SPOCD1: variants seen among roughly 807,000 people sequenced by gnomAD.
SPOCD1 encodes SPOC domain containing 1.
A neutral mutation model predicts 92.2 loss-of-function variants in SPOCD1; 64 were observed. That is an observed-to-expected ratio of 0.69 (90% confidence interval 0.57 to 0.86). SPOCD1 has a LOEUF of 0.86. Ranked by LOEUF, SPOCD1 falls within the 40% of genes least tolerant of loss-of-function variation. The pLI, the probability that SPOCD1 is intolerant of heterozygous loss-of-function variation, is 0.00. For missense variants in SPOCD1, 1,360 were observed against 1,543.1 expected, an observed-to-expected ratio of 0.88 and a Z score of 1.99; for synonymous variants, 578 against 619.3, an observed-to-expected ratio of 0.93 and a Z score of 0.99.
rs966530006 is a variant in SPOCD1, at chr1:31,796,381, A to T, written c.2271+209T>A. 4.1e-5 allele frequency: 30 copies of T among 732,910 alleles called. 1 individual carries two copies. The South Asian group carries it at 4.2e-4, about 10-fold the overall frequency. 45.4% of individuals were successfully genotyped at this position (732,910 alleles called of 1,614,324 possible). ...TGAGGCCAAAAGGAGGAGGACCGAC[A>T]GTGACAAGGCGCTGGCAGGCCTGTG... On this transcript the variant is annotated intron_variant, in intron 10 of 15. Coordinates refer to ENST00000360482, the MANE Select transcript of SPOCD1 (RefSeq NM_144569.7).
chr1:31,798,562 C>T lies in SPOCD1; in HGVS notation c.1908G>A (p.Val636=). ...CAATGCCAGCAGCAATGCCCTCCAC[C>T]ACCTCCTCACTCAGCACTGGGTCTG... ...ELPDPVLSEE[V]VEGIAAGIEA... The change falls in exon 8 of 16, where the codon GTG becomes GTA. Residue 636 remains valine, a synonymous_variant. Transcript: ENST00000360482. The surrounding 1 kb of genome is among the most constrained non-coding windows in gnomAD (Gnocchi z 4.1). The T allele has an allele frequency of 6.2e-7, 1 of 1,613,580 alleles. No homozygotes were observed.
chr1:31,814,842 G>A lies in SPOCD1; in HGVS notation c.492C>T (p.Pro164=), dbSNP rs200136547. The A allele has an allele frequency of 1.9e-6, 3 of 1,613,096 alleles. No individual in the cohort carries two copies. In the East Asian group the frequency reaches 6.7e-5, roughly 36 times the overall value. The stretch of plus-strand genomic sequence containing the variant: ...TCATTCCACCGTCTCTGGCCTCCCT[G>A]GGCCTGAGGCAGCTCACCTCCTCCA... The part of the protein sequence containing the change: ...AGVEEVSCLR[P]REARDGGMSS... Residue 164 remains proline (P), a synonymous_variant, in exon 2 of 16, where the codon CCC becomes CCT. Transcript: ENST00000360482. This position sits in a 1 kb window ranked among gnomAD's most constrained non-coding sequence, Gnocchi z 4.2.
chr1:31,808,898 T>C (rs1649015457), intron 2 of SPOCD1, among the ~76,000 whole-genome samples: 1 of 152,184 alleles, frequency 6.6e-6, no homozygotes. Flanking sequence ...GCAAAACATA[T>C]GCAAAGCACA....
At chr1:31,797,731 C>G (rs1304614066) in intron 9 of SPOCD1, among the ~76,000 whole-genome samples, 2 of 152,182 alleles carry the variant, frequency 1.3e-5, no homozygotes, top group Non-Finnish European at 2.9e-5. Flanking sequence ...TTCCCTGTCC[C>G]AGAGCAGTTC....
At chr1:31,792,447 C>T in intron 14 of SPOCD1, 46 bp from the exon 15 acceptor site, 1 of 1,584,174 alleles carries the variant, frequency 6.3e-7, no homozygotes, top group African/African-American at 1.3e-5. Flanking sequence ...TCATCCTCTG[C>T]TCCTGCCAAC....
chr1:31,797,058 A>G (rs750579784), intron 9 of SPOCD1, among the ~76,000 whole-genome samples: 1 of 152,166 alleles, frequency 6.6e-6, no homozygotes, highest in Non-Finnish European at 1.5e-5. Flanking sequence ...TGGGCCATTA[A>G]TAAAGATTCA....
At chr1:31,813,551 C>T (rs1487526316) in intron 2 of SPOCD1, among the ~76,000 whole-genome samples, 1 of 152,236 alleles carries the variant, frequency 6.6e-6, no homozygotes, top group Non-Finnish European at 1.5e-5. Flanking sequence ...GCGTGAGCCA[C>T]TGCACCAGGC....
intron 2 of SPOCD1, among the ~76,000 whole-genome samples, chr1:31,813,487 T>A (rs190481544): frequency 5.9e-5 from 9 of 152,300 alleles, no homozygotes; most frequent in African/African-American, 2.2e-4. Context: ...ATGGTCTTGA[T>A]CTCTTGACCT....
intron 2 of SPOCD1, among the ~76,000 whole-genome samples, chr1:31,806,171 T>A (rs778731247): frequency 6.6e-6 from 1 of 151,668 alleles, no homozygotes; most frequent in Admixed American, 6.6e-5. Flanking sequence ...GAAAATTTCA[T>A]ATATCTCTCT....
At chr1:31,794,501 CTTT>C (rs869084604) in intron 10 of SPOCD1, 27 of 78,010 alleles carry the variant, frequency 3.5e-4, no homozygotes, top group East Asian at 4.2e-4. Flanking sequence ...TTTTTCTTTT[CTTT>C]TTTTTTTTTT....
Position 31,801,696 on chromosome 1 carries a change from TCA to T in SPOCD1, c.1391_1392del (p.Val464GlufsTer89). 6.2e-7 allele frequency: 1 copy of T among 1,613,818 alleles called. No homozygotes were observed. Among genetic ancestry groups the T allele is most frequent in the South Asian group, 1.1e-5 (1 of 91,070 alleles). On this transcript the variant is annotated frameshift_variant, in exon 3 of 16. Coordinates refer to ENST00000360482, the MANE Select transcript of SPOCD1 (RefSeq NM_144569.7). LOFTEE classifies it high-confidence loss of function. ...ACAAGCTTCACTCCATGGGGTATTT[TCA>T]CTTCCTCCTTGGAGAGAAAGAGGAT... ...SPGGCPRLEE[V>X]KIPHGVKLVC...
chr1:31,815,476 C>T, intron 1 of SPOCD1, 104 bp from the exon 2 acceptor site: 1 of 786,878 alleles, frequency 1.3e-6, no homozygotes, highest in South Asian at 2.5e-5. Flanking sequence ...CTCTCCCAGA[C>T]CCTTCCACTC....
intron 2 of SPOCD1, among the ~76,000 whole-genome samples, chr1:31,812,691 A>C (rs1649281171): frequency 6.6e-6 from 1 of 152,238 alleles, no homozygotes; most frequent in Non-Finnish European, 1.5e-5. Context: ...CAAAGATTGC[A>C]GATAAAGTGC....
chr1:31,803,663 C>T (rs1363569632), intron 2 of SPOCD1, among the ~76,000 whole-genome samples: 4 of 151,822 alleles, frequency 2.6e-5, no homozygotes, highest in African/African-American at 9.7e-5. Flanking sequence ...ATTGTTTGAG[C>T]CGGAGAAGTC....
chr1:31,799,771 C>T (rs767877011), intron 6 of SPOCD1, 38 bp downstream of exon 6: 7 of 1,610,372 alleles, frequency 4.3e-6, no homozygotes, highest in Non-Finnish European at 5.9e-6. Context: ...CCCCAGCAGT[C>T]TCTGGAAGCA....
At chr1:31,801,597 G>A (rs1233315953) in intron 3 of SPOCD1, 67 bp downstream of exon 3, 24 of 1,450,800 alleles carry the variant, frequency 1.7e-5, no homozygotes, top group Non-Finnish European at 2.3e-5. Flanking sequence ...CTGTGGAGGA[G>A]CCCTCCCACT....
intron 1 of SPOCD1, 75 bp from the exon 2 acceptor site, chr1:31,815,447 G>A: frequency 9.0e-7 from 1 of 1,109,696 alleles, no homozygotes; most frequent in Admixed American, 3.0e-5. Context: ...GAACTGGGAG[G>A]AGCCCCTCTT....
Position 31,790,821 on chromosome 1 carries a change from G to C in SPOCD1, c.3433C>G (p.Pro1145Ala), listed in dbSNP as rs1052655341. The change falls in exon 16 of 16, where the codon CCC becomes GCC. Residue 1145 changes from proline to alanine, a missense_variant. Transcript: ENST00000360482. ...AGGTGCCGGAGCAGGGCTTGGTGGG[G>C]ACAGGAGTCCCTGTGGAAGTGCTGG... Reference protein sequence around the residue: ...RGQHFHRDSCPHQALLRHLES... With the variant: ...RGQHFHRDSCAHQALLRHLES... 6.5e-7 allele frequency: 1 copy of C among 1,539,244 alleles called. No homozygotes were observed. The highest frequency in any genetic ancestry group is 1.4e-5 in the African/African-American group (1 of 72,902).
In SPOCD1 at chr1:31,814,495, G is replaced by A. The variant is rs778359963; in HGVS notation, c.839C>T (p.Ser280Leu). ...EPGGSGAGCA[S>L]GTEKFGYLPA... ...CAAATATCCAAATTTCTCAGTCCCT[G>A]AGGCACATCCTGCCCCACTTCCACC... The change falls in exon 2 of 16, where the codon TCA becomes TTA. Residue 280 changes from serine to leucine, a missense_variant. Transcript: ENST00000360482. The surrounding 1 kb of genome is among the most constrained non-coding windows in gnomAD (Gnocchi z 4.2). 2 of 1,559,756 alleles carry A rather than the reference G, an allele frequency of 1.3e-6. No individual in the cohort carries two copies. The highest frequency in any genetic ancestry group is 8.7e-7 in the Non-Finnish European group (1 of 1,149,908).
Sources: allele counts gnomAD v4.1 joint callset (sites outside exome capture counted in the v4.1 genomes callset), GRCh38; gene constraint gnomAD v4.1.1; non-coding constraint Gnocchi (gnomAD v3.1); transcripts MANE v1.5; gene names NCBI Gene and HGNC (gene_info 2026-07-23, HGNC 2026-07-21).